The following KIRREL3 variants were observed in gnomAD, a reference collection of about 807,000 sequenced individuals.
The protein encoded by KIRREL3 is kin of IRRE-like protein 3.
Under a neutral mutation model 89.7 loss-of-function variants are expected in KIRREL3, and 36 were observed. The observed-to-expected ratio is 0.40, with a 90% CI of 0.31 to 0.53. KIRREL3 has a LOEUF of 0.53. KIRREL3 is among the 20% of genes least tolerant of loss of function. The probability of loss-of-function intolerance (pLI) is 0.49; values close to 1 mark genes in which losing one functional copy is unlikely to be tolerated. For missense variants in KIRREL3, 864 were observed against 1,056.6 expected, an observed-to-expected ratio of 0.82 and a Z score of 2.53; for synonymous variants, 445 against 441.4, an observed-to-expected ratio of 1.01 and a Z score of -0.10.
rs551143563 is a variant in KIRREL3 at position 126,527,945 on chromosome 11, A to G, written c.134-1258T>C. On this transcript the variant is annotated intron_variant, in intron 2 of 16. Coordinates refer to ENST00000525144, the MANE Select transcript of KIRREL3 (RefSeq NM_032531.4). The surrounding 1 kb of genome is among the most constrained non-coding windows in gnomAD (Gnocchi z 4.2). Reference sequence around the variant, plus strand: ...AATGGAACATTGACATTCGCTGAGCATCTGGCCCACAGTACAACCAGTACT... The same window carrying G: ...AATGGAACATTGACATTCGCTGAGCGTCTGGCCCACAGTACAACCAGTACT... Among the ~76,000 whole-genome samples, 189 of 152,332 alleles carry G rather than the reference A, an allele frequency of 1.2e-3. No homozygotes were observed. The highest frequency in any genetic ancestry group is 3.4e-3 in the Middle Eastern group (1 of 294).
Position 126,512,524 on chromosome 11 carries a change from C to T in KIRREL3, c.433+8791G>A, listed in dbSNP as rs973552158. The stretch of plus-strand genomic sequence containing the variant: ...GAGATACCCAGGCCTGAGGAGCAGC[C>T]GTATGAGGGGTAAGTGGGTGAGGGG... On this transcript the variant is annotated intron_variant, in intron 4 of 16. Coordinates refer to ENST00000525144, the MANE Select transcript of KIRREL3 (RefSeq NM_032531.4). 5.9e-5 allele frequency among the ~76,000 whole-genome samples: 9 copies of T among 152,156 alleles called. No individual in the cohort carries two copies. The South Asian group carries it at 6.2e-4, about 11-fold the overall frequency.
rs1405196238 is a variant in KIRREL3, at chr11:126,995,527, C to T, written c.55+4928G>A. On this transcript the variant is annotated intron_variant, in intron 1 of 16. Transcript: ENST00000525144. This position sits in a 1 kb window ranked among gnomAD's most constrained non-coding sequence, Gnocchi z 6.5. ...TAGCTGCAAAATAATGCCTATGCCC[C>T]TCTAGCCCCCTTAGCATCCCCCATC... 3 of 354,120 alleles carry T rather than the reference C, an allele frequency of 8.5e-6. No homozygotes were observed. The highest frequency in any genetic ancestry group is 3.9e-5 in the Admixed American group (1 of 25,510). The allele number at this position is 354,120 out of a possible 1,614,324, so 21.9% of individuals were successfully genotyped here. A position where few individuals can be genotyped will look rare whatever the true frequency, so the allele number is the denominator to read the frequency against.
chr11:126,691,952 C>T (rs1006282069), intron 1 of KIRREL3, among the ~76,000 whole-genome samples: 2 of 152,136 alleles, frequency 1.3e-5, no homozygotes, highest in South Asian at 2.1e-4. Flanking sequence ...ATTTGCAAAT[C>T]GAAATGATAG....
In KIRREL3 at chr11:126,475,949, T is replaced by C. The variant is rs1957050983; in HGVS notation, c.434-2483A>G. ...AGGAGCTCGGGCTCCATGAGCTAGCTGAGGGCCTGGAAAAAGAGCCACGTG... is the reference window on the plus strand; with the variant it reads ...AGGAGCTCGGGCTCCATGAGCTAGCCGAGGGCCTGGAAAAAGAGCCACGTG... On this transcript the variant is annotated intron_variant, in intron 4 of 16. Coordinates refer to ENST00000525144, the MANE Select transcript of KIRREL3 (RefSeq NM_032531.4). The surrounding 1 kb of genome is among the most constrained non-coding windows in gnomAD (Gnocchi z 7.5). Among the ~76,000 whole-genome samples the C allele has an allele frequency of 6.6e-6, 1 of 152,118 alleles. No individual in the cohort carries two copies. The highest frequency in any genetic ancestry group is 2.1e-4 in the South Asian group (1 of 4,816).
Position 126,635,620 on chromosome 11 carries a change from T to A in KIRREL3, c.56-72708A>T, listed in dbSNP as rs1299211854. Among the ~76,000 whole-genome samples the A allele has an allele frequency of 6.6e-6, 1 of 151,972 alleles. No homozygotes were observed. Among genetic ancestry groups the A allele is most frequent in the African/African-American group, 2.4e-5 (1 of 41,376 alleles). On this transcript the variant is annotated intron_variant, in intron 1 of 16. Transcript: ENST00000525144. The surrounding 1 kb of genome is among the most constrained non-coding windows in gnomAD (Gnocchi z 4.0). ...CCTGCCAGCCCAGAGTAACCAGAGA[T>A]CTTGGGCCACAAGTCAGACACACCT...
Position 126,728,024 on chromosome 11 carries a change from G to A in KIRREL3, c.56-165112C>T, listed in dbSNP as rs566009060. Among the ~76,000 whole-genome samples, 6 of 152,138 alleles carry A rather than the reference G, an allele frequency of 3.9e-5. No homozygotes were observed. In the East Asian group the frequency reaches 1.2e-3, roughly 29 times the overall value. Reference sequence around the variant, plus strand: ...CCCAGCAGCTCTGAGAGAAGCCAGAGCCTCCTGATGCACCTGGCATGACAC... The same window carrying A: ...CCCAGCAGCTCTGAGAGAAGCCAGAACCTCCTGATGCACCTGGCATGACAC... On this transcript the variant is annotated intron_variant, in intron 1 of 16. Coordinates refer to ENST00000525144, the MANE Select transcript of KIRREL3 (RefSeq NM_032531.4).
Position 126,734,347 on chromosome 11 carries a change from T to G in KIRREL3, c.56-171435A>C, listed in dbSNP as rs1213609329. 6.6e-6 allele frequency among the ~76,000 whole-genome samples: 1 copy of G among 152,150 alleles called. No homozygotes were observed. The highest frequency in any genetic ancestry group is 1.5e-5 in the Non-Finnish European group (1 of 68,034). ...TGCTTCAAGATTTCCCCCTCTGTTT[T>G]TTCAGTGATCCATTTGTTTACTTAA... On this transcript the variant is annotated intron_variant, in intron 1 of 16. Transcript: ENST00000525144. This position sits in a 1 kb window ranked among gnomAD's most constrained non-coding sequence, Gnocchi z 5.9.
chr11:126,935,661 T>A (rs779300924), intron 1 of KIRREL3: 14 of 152,280 alleles, frequency 9.2e-5, no homozygotes, highest in African/African-American at 3.1e-4. Flanking sequence ...TCCAACTAGA[T>A]GATATTCTGG....
Position 126,981,838 on chromosome 11 carries a change from G to A in KIRREL3, c.55+18617C>T, listed in dbSNP as rs994904698. Among the ~76,000 whole-genome samples the A allele has an allele frequency of 6.6e-6, 1 of 152,188 alleles. No homozygotes were observed. Among genetic ancestry groups the A allele is most frequent in the Non-Finnish European group, 1.5e-5 (1 of 68,044 alleles). On this transcript the variant is annotated intron_variant, in intron 1 of 16. Transcript: ENST00000525144. The surrounding 1 kb of genome is among the most constrained non-coding windows in gnomAD (Gnocchi z 4.2). ...GACAGTGCCTGGAGGAGCCATCTGAGCTTCTGTAGCACACACTCCCTTGCT... is the reference window on the plus strand; with the variant it reads ...GACAGTGCCTGGAGGAGCCATCTGAACTTCTGTAGCACACACTCCCTTGCT...
At position 126,704,751 on chromosome 11, in the gene KIRREL3, T is replaced by C. The variant is rs573815824; in HGVS notation, c.56-141839A>G. On this transcript the variant is annotated intron_variant, in intron 1 of 16. Coordinates refer to ENST00000525144, the MANE Select transcript of KIRREL3 (RefSeq NM_032531.4). This position sits in a 1 kb window ranked among gnomAD's most constrained non-coding sequence, Gnocchi z 4.2. Reference sequence around the variant, plus strand: ...GTTAGCAGGTCACTTTTGGGCTAGCTACCTATACCAGTCCAAAGGCTTGAT... The same window carrying C: ...GTTAGCAGGTCACTTTTGGGCTAGCCACCTATACCAGTCCAAAGGCTTGAT... Among the ~76,000 whole-genome samples the C allele has an allele frequency of 2.0e-5, 3 of 152,318 alleles. No individual in the cohort carries two copies. Among genetic ancestry groups the C allele is most frequent in the East Asian group, 3.9e-4 (2 of 5,180 alleles).
rs10893569 is a variant in KIRREL3 at position 126,796,437 on chromosome 11, G to T, written c.55+204018C>A. Reference sequence around the variant, plus strand: ...GTGGAGGAAGGCTGAAGGAGGGGACGCGCAGTTGTGGGTAACTGGCCTTCA... The same window carrying T: ...GTGGAGGAAGGCTGAAGGAGGGGACTCGCAGTTGTGGGTAACTGGCCTTCA... On this transcript the variant is annotated intron_variant, in intron 1 of 16. Transcript: ENST00000525144. This position sits in a 1 kb window ranked among gnomAD's most constrained non-coding sequence, Gnocchi z 5.1. Among the ~76,000 whole-genome samples the T allele has an allele frequency of 0.46, 69,811 of 151,820 alleles. 17,874 individuals carry two copies. The highest frequency in any genetic ancestry group is 0.67 in the African/African-American group (27,759 of 41,374).
chr11:126,582,512 C>T (rs897041875), intron 1 of KIRREL3, among the ~76,000 whole-genome samples: 3 of 152,178 alleles, frequency 2.0e-5, no homozygotes, highest in African/African-American at 4.8e-5. Flanking sequence ...GCAAGGATTT[C>T]GGCAGATGCA....
rs372055567 is a variant in KIRREL3, at chr11:126,784,707, G to A, written c.55+215748C>T. 1.2e-3 allele frequency among the ~76,000 whole-genome samples: 169 copies of A among 145,188 alleles called. 3 individuals are homozygous for A. The highest frequency in any genetic ancestry group is 3.9e-3 in the African/African-American group (152 of 39,204). On this transcript the variant is annotated intron_variant, in intron 1 of 16. Coordinates refer to ENST00000525144, the MANE Select transcript of KIRREL3 (RefSeq NM_032531.4). ...GCTAGTAGCCTGGGTGTCAGTCTCCGCTTATGTCCTCGGTCGGGTGCCCTT... is the reference window on the plus strand; with the variant it reads ...GCTAGTAGCCTGGGTGTCAGTCTCCACTTATGTCCTCGGTCGGGTGCCCTT...
rs148590259 is a variant in KIRREL3, at chr11:126,818,200, C to T, written c.55+182255G>A. Reference sequence around the variant, plus strand: ...GGACAGAAGCCAGCTGCGTGCCAGACGAAGTGTTTTCACAGCTGGGGAAAG... The same window carrying T: ...GGACAGAAGCCAGCTGCGTGCCAGATGAAGTGTTTTCACAGCTGGGGAAAG... On this transcript the variant is annotated intron_variant, in intron 1 of 16. Coordinates refer to ENST00000525144, the MANE Select transcript of KIRREL3 (RefSeq NM_032531.4). Among the ~76,000 whole-genome samples the T allele has an allele frequency of 2.8e-3, 419 of 152,226 alleles. 2 individuals carry two copies. The highest frequency in any genetic ancestry group is 9.2e-3 in the African/African-American group (381 of 41,522).
At position 126,609,475 on chromosome 11, in the gene KIRREL3, T is replaced by A. The variant is rs1943031795; in HGVS notation, c.56-46563A>T. Among the ~76,000 whole-genome samples, 1 of 152,052 alleles carries A rather than the reference T, an allele frequency of 6.6e-6. No individual in the cohort carries two copies. Among genetic ancestry groups the A allele is most frequent in the African/African-American group, 2.4e-5 (1 of 41,402 alleles). On this transcript the variant is annotated intron_variant, in intron 1 of 16. Transcript: ENST00000525144. The surrounding 1 kb of genome is among the most constrained non-coding windows in gnomAD (Gnocchi z 5.0). ...GGTCTCCTTTGCAGCCTACCTGAAG[T>A]GAATGTGAGGCCGAGAGGCTTCGTG...
chr11:126,785,790 C>T (rs373997523), intron 1 of KIRREL3, among the ~76,000 whole-genome samples: 234 of 141,114 alleles, frequency 1.7e-3, no homozygotes, highest in African/African-American at 5.7e-3. Flanking sequence ...AGGGGAATCG[C>T]TTGAACCCAG....
rs1391345509 is a variant in KIRREL3, at chr11:126,985,808, G to T, written c.55+14647C>A. ...TGATGATTTGGTTATTGTCACAGCG[G>T]AGCTACTGACATAGTTCAATGATGA... On this transcript the variant is annotated intron_variant, in intron 1 of 16. Coordinates refer to ENST00000525144, the MANE Select transcript of KIRREL3 (RefSeq NM_032531.4). The surrounding 1 kb of genome is among the most constrained non-coding windows in gnomAD (Gnocchi z 5.3). Among the ~76,000 whole-genome samples, 1 of 152,202 alleles carries T rather than the reference G, an allele frequency of 6.6e-6. No homozygotes were observed. The highest frequency in any genetic ancestry group is 1.9e-4 in the East Asian group (1 of 5,186).
rs1324104525 is a variant in KIRREL3 at position 126,431,413 on chromosome 11, C to A, written c.1696+6G>T. The A allele has an allele frequency of 2.5e-6, 4 of 1,613,986 alleles. No individual in the cohort carries two copies. The highest frequency in any genetic ancestry group is 2.2e-5 in the East Asian group (1 of 44,882). On this transcript the variant is annotated splice_donor_region_variant and intron_variant, in intron 14 of 16. Transcript: ENST00000525144. This position sits in a 1 kb window ranked among gnomAD's most constrained non-coding sequence, Gnocchi z 7.1. Reference sequence around the variant, plus strand: ...CTCCCTGAGATCCCGGATCTCCCTCCCGTACTTCTCTGGGAACGGGCACAG... The same window carrying A: ...CTCCCTGAGATCCCGGATCTCCCTCACGTACTTCTCTGGGAACGGGCACAG...
intron 1 of KIRREL3, among the ~76,000 whole-genome samples, chr11:126,590,595 C>T (rs1942087350): frequency 6.6e-6 from 1 of 152,292 alleles, no homozygotes; most frequent in African/African-American, 2.4e-5. Flanking sequence ...AAGTGGGGGG[C>T]TGGAAGGAGG....
Sources: gnomAD v4.1 joint callset for allele counts (sites outside exome capture counted in the v4.1 genomes callset) on GRCh38, gnomAD v4.1.1 for gene constraint, Gnocchi (gnomAD v3.1) non-coding constraint, MANE v1.5 for transcripts, NCBI Gene and HGNC (gene_info 2026-07-23, HGNC 2026-07-21) for gene names.